LTN1: variants seen among roughly 807,000 people sequenced by gnomAD.
LTN1 encodes the protein E3 ubiquitin-protein ligase listerin.
In LTN1, 88 loss-of-function variants were observed where a neutral mutation model predicts 201.2. The observed-to-expected ratio is 0.44, with a 90% CI of 0.37 to 0.52. The LOEUF (loss-of-function observed/expected upper bound fraction) is 0.52, where lower values mean the gene tolerates loss of function less well. Ranked by LOEUF, LTN1 falls within the 20% of genes least tolerant of loss-of-function variation. The pLI is 0.00. For synonymous variants in LTN1, 645 were observed against 713.5 expected (o/e 0.90, Z 1.53); for missense variants, 1,752 against 2,038.7 (o/e 0.86, Z 2.71).
Position 28,957,757 on chromosome 21 carries a change from ACC to A in LTN1, c.2748-283_2748-282del, listed in dbSNP as rs575374208. Among the ~76,000 whole-genome samples, 32 of 152,282 alleles carry A rather than the reference ACC, an allele frequency of 2.1e-4. No individual in the cohort carries two copies. In the East Asian group the frequency reaches 5.6e-3, roughly 27 times the overall value. On this transcript the variant is annotated intron_variant, in intron 14 of 29. Coordinates refer to ENST00000361371, the MANE Select transcript of LTN1 (RefSeq NM_015565.3). ...GACCAGGTATTTCAGAAATACAGCT[ACC>A]TTATGAAATGCAGCACTATTTTACC...
rs1333110930 is a variant in LTN1, at chr21:28,930,226, G to A, written c.*222C>T. The A allele has an allele frequency of 5.2e-6, 2 of 383,646 alleles. No individual in the cohort carries two copies. Among genetic ancestry groups the A allele is most frequent in the Non-Finnish European group, 9.3e-6 (2 of 215,578 alleles). 23.8% of individuals were successfully genotyped at this position (383,646 alleles called of 1,614,324 possible). A position where few individuals can be genotyped will look rare whatever the true frequency, so the allele number is the denominator to read the frequency against. On this transcript the variant is annotated 3_prime_UTR_variant, in exon 30 of 30. Coordinates refer to ENST00000361371, the MANE Select transcript of LTN1 (RefSeq NM_015565.3). ...AATAGAAATATTTTCTCTCAAATATGTAATATTCTTTTGTAAAAGAAAGTT... is the reference window on the plus strand; with the variant it reads ...AATAGAAATATTTTCTCTCAAATATATAATATTCTTTTGTAAAAGAAAGTT...
intron 10 of LTN1, 78 bp from the exon 11 acceptor site, chr21:28,965,984 G>T: frequency 4.4e-6 from 4 of 913,616 alleles, no homozygotes; most frequent in Non-Finnish European, 6.8e-6. Flanking sequence ...TGTTGCCCAG[G>T]CTAGTCTAGA....
At chr21:28,980,657 A>C (rs977243757) in intron 6 of LTN1, among the ~76,000 whole-genome samples, 6 of 152,068 alleles carry the variant, frequency 3.9e-5, no homozygotes, top group Non-Finnish European at 5.9e-5. Context: ...CTAACCCTGC[A>C]TTTCCCGTAA....
intron 18 of LTN1, among the ~76,000 whole-genome samples, chr21:28,951,804 C>G (rs570201463): frequency 2.0e-5 from 3 of 151,880 alleles, no homozygotes; most frequent in Admixed American, 6.6e-5. Context: ...AGACACCATC[C>G]CTACAAAATT....
At position 28,935,313 on chromosome 21, in the gene LTN1, T is replaced by G. The variant is rs759033825; in HGVS notation, c.4671A>C (p.Pro1557=). The change falls in exon 27 of 30, where the codon CCA becomes CCC. Residue 1557 remains proline (P), a synonymous_variant. Coordinates refer to ENST00000361371, the MANE Select transcript of LTN1 (RefSeq NM_015565.3). ...QLSIRETTML[P]YHIPHLACSV... ...AACAAGCCAAGTGTGGAATGTGGTA[T>G]GGAAGCATTGTTGTTTCTGAGGAAA... 6.2e-7 allele frequency: 1 copy of G among 1,613,004 alleles called. No individual in the cohort carries two copies. The highest frequency in any genetic ancestry group is 1.1e-5 in the South Asian group (1 of 90,988).
intron 8 of LTN1, 54 bp downstream of exon 8, chr21:28,970,498 A>AT (rs2084564698): frequency 1.1e-5 from 13 of 1,229,502 alleles, no homozygotes; most frequent in Middle Eastern, 2.0e-4. Flanking sequence ...GAAAATGAGT[A>AT]TAAAAACAAG....
At chr21:28,957,036 C>A (rs1398696165) in intron 15 of LTN1, 88 bp from the exon 16 acceptor site, 3 of 842,204 alleles carry the variant, frequency 3.6e-6, no homozygotes, top group South Asian at 2.1e-5. Context: ...ATATTTATTA[C>A]CAAAACCACA....
intron 26 of LTN1, 33 bp from the exon 27 acceptor site, chr21:28,935,362 TA>T: frequency 4.1e-6 from 5 of 1,223,940 alleles, no homozygotes; most frequent in Non-Finnish European, 5.9e-6. Context: ...ATTAGTAACA[TA>T]TATTTCTTAT....
At chr21:28,954,538 A>T (rs1042450812) in intron 16 of LTN1, among the ~76,000 whole-genome samples, 2 of 152,224 alleles carry the variant, frequency 1.3e-5, no homozygotes, top group African/African-American at 4.8e-5. Flanking sequence ...AAGTATTCAA[A>T]ACCATTGGAA....
Position 28,946,229 on chromosome 21 carries a change from A to C in LTN1, c.3546T>G (p.Asp1182Glu). ...NSCLQTKSID[D>E]GELLHGILKI... ...TTAATATTCCATGTAATAGCTCTCC[A>C]TCATCTATACTTTTGGTTTGCAGAC... Residue 1182 changes from aspartate to glutamate, a missense_variant, in exon 20 of 30, where the codon GAT becomes GAG. Around this residue, in one of 3 missense-constraint regions of LTN1, gnomAD observed 1,211 missense variants for 1,312.8 expected, o/e 0.92. Coordinates refer to ENST00000361371, the MANE Select transcript of LTN1 (RefSeq NM_015565.3). 6.3e-7 allele frequency: 1 copy of C among 1,591,596 alleles called. No individual in the cohort carries two copies. Among genetic ancestry groups the C allele is most frequent in the Non-Finnish European group, 8.5e-7 (1 of 1,170,394 alleles).
intron 5 of LTN1, 61 bp downstream of exon 5, chr21:28,982,255 C>T (rs1035006156): frequency 2.0e-5 from 27 of 1,354,746 alleles, no homozygotes; most frequent in Non-Finnish European, 2.6e-5. Context: ...TTGAAATCAT[C>T]TGATTACTTA....
chr21:28,989,997 T>C (rs543838993), intron 1 of LTN1, among the ~76,000 whole-genome samples: 1 of 152,076 alleles, frequency 6.6e-6, no homozygotes, highest in Non-Finnish European at 1.5e-5. Flanking sequence ...AAAAAAGTTA[T>C]CTATGTGATG....
At chr21:28,967,236 C>A in intron 9 of LTN1, 57 bp from the exon 10 acceptor site, 1 of 1,212,760 alleles carries the variant, frequency 8.2e-7, no homozygotes. Flanking sequence ...CCCCCATCTC[C>A]TGGCACACAA....
At chr21:28,976,049 G>A (rs1421433102) in intron 6 of LTN1, among the ~76,000 whole-genome samples, 3 of 151,958 alleles carry the variant, frequency 2.0e-5, no homozygotes, top group Admixed American at 2.0e-4. Context: ...AGTGATGGGA[G>A]GCAAATCAAT....
At chr21:28,965,940 T>G in intron 10 of LTN1, 34 bp from the exon 11 acceptor site, 1 of 1,404,824 alleles carries the variant, frequency 7.1e-7, no homozygotes, top group East Asian at 2.4e-5. Flanking sequence ...AACAATCTGC[T>G]AGAACAACTT....
At chr21:28,953,608 T>G (rs2247324) in intron 16 of LTN1, among the ~76,000 whole-genome samples, 24,801 of 152,114 alleles carry the variant, frequency 0.16, 2,456 homozygotes, top group East Asian at 0.51. Flanking sequence ...CTTTTTCTAA[T>G]TAGTTAAGAA....
intron 6 of LTN1, among the ~76,000 whole-genome samples, chr21:28,976,545 A>G (rs1410832751): frequency 6.6e-6 from 1 of 151,232 alleles, no homozygotes; most frequent in Non-Finnish European, 1.5e-5. Flanking sequence ...GGTTGCAGTG[A>G]GCCAAGATGA....
At chr21:28,961,828 C>T (rs1419993277) in intron 11 of LTN1, among the ~76,000 whole-genome samples, 2 of 152,088 alleles carry the variant, frequency 1.3e-5, no homozygotes, top group African/African-American at 4.8e-5. Context: ...CCAACCAACA[C>T]GGTGAAACCT....
At chr21:28,945,663 TAAG>T (rs1212807821) in intron 21 of LTN1, 141 bp downstream of exon 21, 7 of 642,036 alleles carry the variant, frequency 1.1e-5, no homozygotes, top group East Asian at 2.8e-5. Context: ...TAGTAGCTGG[TAAG>T]AAGAACATCT....
Sources: gnomAD v4.1 joint callset for allele counts (sites outside exome capture counted in the v4.1 genomes callset) on GRCh38, gnomAD v4.1.1 for gene constraint, gnomAD v4.1.1 regional missense constraint, MANE v1.5 for transcripts, NCBI Gene and HGNC (gene_info 2026-07-23, HGNC 2026-07-21) for gene names.